Variants in TNS3 observed in about 807,000 individuals in gnomAD.
TNS3 encodes the protein tensin 3, also known as tensin-3.
In TNS3, 45 loss-of-function variants were observed where a neutral mutation model predicts 140.9. That is an observed-to-expected ratio of 0.32 (90% CI 0.25 to 0.41). The LOEUF is 0.41. Ranked by LOEUF, TNS3 falls within the 10% of genes least tolerant of loss-of-function variation. The pLI is 1.00. For synonymous variants in TNS3, 815 were observed against 788.4 expected (o/e 1.03, Z -0.56); for missense variants, 1,716 against 1,906.7 (o/e 0.90, Z 1.86).
chr7:47,577,629 T>G (rs575498651), intron 1 of TNS3, among the ~76,000 whole-genome samples: 73 of 152,272 alleles, frequency 4.8e-4, no homozygotes, highest in South Asian at 8.3e-4. Context: ...GCTCGCTAAG[T>G]CTCAGCGCTC....
rs1358305681 is a variant in TNS3 at position 47,426,855 on chromosome 7, G to A, written c.389+1457C>T. 6.6e-5 allele frequency among the ~76,000 whole-genome samples: 10 copies of A among 152,232 alleles called. No individual in the cohort carries two copies. The South Asian group carries it at 1.7e-3, about 25-fold the overall frequency. ...AAATGCTCAGGTGTGGCTGGGCGTG[G>A]TGGCTCACACCTGTAATCCCAGCAC... On this transcript the variant is annotated intron_variant, in intron 9 of 30. Coordinates refer to ENST00000311160, the MANE Select transcript of TNS3 (RefSeq NM_022748.12).
intron 1 of TNS3, chr7:47,581,597 AGGGCGCCC>A (rs1368770090): frequency 6.6e-6 from 1 of 151,828 alleles, no homozygotes; most frequent in Non-Finnish European, 1.5e-5. Flanking sequence ...CCCTCAGTCC[AGGGCGCCC>A]GGGCGCCACG....
chr7:47,366,176 T>C (rs1405441643), intron 17 of TNS3, among the ~76,000 whole-genome samples: 2 of 152,242 alleles, frequency 1.3e-5, no homozygotes, highest in Admixed American at 1.3e-4. Flanking sequence ...AGAGCCTTTT[T>C]AGTAAACTCA....
chr7:47,532,473 C>T (rs949998951), intron 1 of TNS3, among the ~76,000 whole-genome samples: 3 of 152,012 alleles, frequency 2.0e-5, no homozygotes, highest in South Asian at 2.1e-4. Flanking sequence ...CCCTCTCTGC[C>T]GAGAGCTTCA....
At chr7:47,479,949 C>T (rs1026445249) in intron 4 of TNS3, among the ~76,000 whole-genome samples, 4 of 151,850 alleles carry the variant, frequency 2.6e-5, no homozygotes, top group African/African-American at 7.3e-5. Context: ...GCCACCCCCA[C>T]GCCCACTGGG....
chr7:47,334,212 C>A (rs1012729411), intron 20 of TNS3, among the ~76,000 whole-genome samples: 1 of 152,196 alleles, frequency 6.6e-6, no homozygotes, highest in Non-Finnish European at 1.5e-5. Flanking sequence ...ATCCTCCCAG[C>A]CCTTCACAAA....
chr7:47,553,657 CTG>C (rs1351646853), intron 1 of TNS3, among the ~76,000 whole-genome samples: 1 of 152,228 alleles, frequency 6.6e-6, no homozygotes, highest in Non-Finnish European at 1.5e-5. Context: ...ATATTACTAC[CTG>C]TTGACAATGC....
In TNS3 at chr7:47,418,876, T is replaced by C. The variant is rs184114095; in HGVS notation, c.474-3670A>G. On this transcript the variant is annotated intron_variant, in intron 10 of 30. Transcript: ENST00000311160. ...AATGGTGGGTGCATAAAAATCAGCA[T>C]TCAAATGTTACTTTTTCCAAGCAAC... 1.2e-3 allele frequency among the ~76,000 whole-genome samples: 183 copies of C among 152,352 alleles called. 1 individual carries two copies. Among genetic ancestry groups the C allele is most frequent in the African/African-American group, 3.8e-3 (158 of 41,572 alleles).
chr7:47,531,381 C>CA (rs574559140), intron 1 of TNS3, among the ~76,000 whole-genome samples: 3 of 151,732 alleles, frequency 2.0e-5, no homozygotes, highest in South Asian at 2.1e-4. Context: ...TTAAAATATG[C>CA]AAAAAAAGAT....
At chr7:47,385,909 C>T (rs138240833) in intron 16 of TNS3, among the ~76,000 whole-genome samples, 2 of 152,314 alleles carry the variant, frequency 1.3e-5, no homozygotes, top group South Asian at 4.1e-4. Flanking sequence ...GGCAGAATTC[C>T]CACAATCAAT....
chr7:47,280,081 C>A, intron 30 of TNS3, 83 bp downstream of exon 30: 1 of 1,526,096 alleles, frequency 6.6e-7, no homozygotes, highest in South Asian at 1.2e-5. Context: ...ATAAGGCACC[C>A]CCTGTGCAAA....
chr7:47,565,213 G>C (rs1174176369), intron 1 of TNS3, among the ~76,000 whole-genome samples: 1 of 150,664 alleles, frequency 6.6e-6, no homozygotes, highest in East Asian at 2.0e-4. Flanking sequence ...GAGTAGCTGG[G>C]ACTACAGGCG....
chr7:47,521,495 T>C (rs1798977828), intron 2 of TNS3, among the ~76,000 whole-genome samples: 1 of 152,198 alleles, frequency 6.6e-6, no homozygotes, highest in African/African-American at 2.4e-5. Flanking sequence ...CAGCCCCTCA[T>C]GCCTCCTGGG....
intron 24 of TNS3, 106 bp downstream of exon 24, chr7:47,296,976 T>C: frequency 7.3e-7 from 1 of 1,369,714 alleles, no homozygotes; most frequent in Non-Finnish European, 9.9e-7. Context: ...AGAATAAAAT[T>C]TGTGAGTATT....
chr7:47,291,708 T>C (rs1192407226), intron 27 of TNS3, among the ~76,000 whole-genome samples: 1 of 151,940 alleles, frequency 6.6e-6, no homozygotes, highest in Admixed American at 6.5e-5. Flanking sequence ...CCAAACTAAA[T>C]CCAGGGCTTG....
At chr7:47,450,935 A>ACCAGC (rs1795985354) in intron 4 of TNS3, among the ~76,000 whole-genome samples, 1 of 152,140 alleles carries the variant, frequency 6.6e-6, no homozygotes, top group African/African-American at 2.4e-5. Flanking sequence ...GGAGTTCAAG[A>ACCAGC]CCAGCCTGGC....
chr7:47,573,094 G>GAT (rs1800595541), intron 1 of TNS3, among the ~76,000 whole-genome samples: 1 of 152,216 alleles, frequency 6.6e-6, no homozygotes, highest in African/African-American at 2.4e-5. Context: ...ATGCAGGCTG[G>GAT]ATCTCCAGAG....
intron 1 of TNS3, chr7:47,557,045 G>A (rs889034153): frequency 2.2e-6 from 1 of 456,594 alleles, no homozygotes; most frequent in Non-Finnish European, 4.4e-6. Context: ...ACCTGTGCAG[G>A]GTGTGCAGGG....
intron 2 of TNS3, among the ~76,000 whole-genome samples, chr7:47,525,839 C>T (rs537369720): frequency 7.9e-5 from 12 of 152,364 alleles, no homozygotes; most frequent in Non-Finnish European, 1.8e-4. Context: ...TGGCAGGCCT[C>T]CTCACCCCTC....
Sources: allele counts gnomAD v4.1 joint callset (sites outside exome capture counted in the v4.1 genomes callset), GRCh38; gene constraint gnomAD v4.1.1; transcripts MANE v1.5; gene names NCBI Gene and HGNC (gene_info 2026-07-23, HGNC 2026-07-21).